PCDHA3: variants seen among roughly 807,000 people sequenced by gnomAD.
PCDHA3 encodes protocadherin alpha 3.
A neutral mutation model predicts 62.2 loss-of-function variants in PCDHA3; 41 were observed. That is an observed-to-expected ratio of 0.66 (90% CI 0.51 to 0.86). The LOEUF (loss-of-function observed/expected upper bound fraction) is 0.86. PCDHA3 is among the 40% of genes least tolerant of loss of function. The pLI, the probability that PCDHA3 is intolerant of heterozygous loss-of-function variation, is 0.00. For missense variants in PCDHA3, 1,304 were observed against 1,241.2 expected, an observed-to-expected ratio of 1.05 and a Z score of -0.76; for synonymous variants, 640 against 555.4, an observed-to-expected ratio of 1.15 and a Z score of -2.14.
At chr5:140,816,107 T>C (rs1429188070) in intron 1 of PCDHA3, 1 of 152,208 alleles carries the variant, frequency 6.6e-6, no homozygotes, top group Non-Finnish European at 1.5e-5. Flanking sequence ...TTTTCTCTTA[T>C]GGCTTCTTCT....
At chr5:140,850,698 GGC>G in intron 1 of PCDHA3, 1 of 1,598,220 alleles carries the variant, frequency 6.3e-7, no homozygotes, top group Non-Finnish European at 8.6e-7. Context: ...GTGCGCGCCT[GGC>G]AAGCCGACGC....
chr5:140,877,674 G>T (rs2057278019), intron 1 of PCDHA3: 2 of 1,613,630 alleles, frequency 1.2e-6, no homozygotes, highest in East Asian at 4.5e-5. Flanking sequence ...GGTGCGCGCC[G>T]GGCAAGCCCA....
intron 1 of PCDHA3, chr5:140,834,264 C>T (rs1772874708): frequency 9.9e-7 from 1 of 1,010,524 alleles, no homozygotes; most frequent in Non-Finnish European, 1.5e-6. Context: ...GCTCCACTCT[C>T]TTTCACTCTT....
chr5:140,985,946 A>G (rs1265124776), intron 3 of PCDHA3, among the ~76,000 whole-genome samples: 1 of 151,962 alleles, frequency 6.6e-6, no homozygotes, highest in Non-Finnish European at 1.5e-5. Flanking sequence ...TCACTGTGTT[A>G]GCCAGGATGG....
intron 1 of PCDHA3, chr5:140,824,637 T>TTC (rs1768307351): frequency 1.4e-5 from 2 of 145,312 alleles, no homozygotes; most frequent in Non-Finnish European, 2.9e-5. Context: ...TTTTTTATTT[T>TTC]CTGTAGAGAT....
chr5:140,830,228 C>T (rs1346700283), intron 1 of PCDHA3: 15 of 1,613,800 alleles, frequency 9.3e-6, no homozygotes, highest in Non-Finnish European at 1.3e-5. Flanking sequence ...CCTGCTGGTC[C>T]TCACGCTACT....
chr5:140,876,031 G>T (rs1554168208), intron 1 of PCDHA3: 1 of 1,613,702 alleles, frequency 6.2e-7, no homozygotes. Flanking sequence ...AACAAAAAAA[G>T]ATAAAAGTAT....
At chr5:140,877,010 A>T (rs1177640704) in intron 1 of PCDHA3, 2 of 1,612,296 alleles carry the variant, frequency 1.2e-6, no homozygotes, top group African/African-American at 2.7e-5. Context: ...GTGCACGCGG[A>T]GAGCGGCAAG....
At position 140,823,245 on chromosome 5, in the gene PCDHA3, C is replaced by T. The variant is rs2150123911; in HGVS notation, c.2394+19654C>T. 8 of 1,613,492 alleles carry T rather than the reference C, an allele frequency of 5.0e-6. No individual in the cohort carries two copies. The Admixed American group carries it at 8.3e-5, about 17-fold the overall frequency. On this transcript the variant is annotated intron_variant, in intron 1 of 3. Transcript: ENST00000522353. Reference sequence around the variant, plus strand: ...ACGCGCAGGAGAACGCCCTGGTGTCCTACTCGCTGGTGGAGCGGCGGGTGG... The same window carrying T: ...ACGCGCAGGAGAACGCCCTGGTGTCTTACTCGCTGGTGGAGCGGCGGGTGG...
rs781944777 is a variant in PCDHA3, at chr5:140,978,930, T to A, written c.2395-19T>A. ...TTGTCTTGTCATTTTAACAGAAAAC[T>A]CTCTTTGTGATTTTGCAGCCACGAC... On this transcript the variant is annotated intron_variant, in intron 1 of 3. Transcript: ENST00000522353. The A allele has an allele frequency of 1.2e-6, 2 of 1,614,088 alleles. No homozygotes were observed. The highest frequency in any genetic ancestry group is 8.5e-7 in the Non-Finnish European group (1 of 1,180,010).
At chr5:140,960,715 CTTATTTTAGTCCA>C (rs60915889) in intron 1 of PCDHA3, among the ~76,000 whole-genome samples, 85,456 of 151,802 alleles carry the variant, frequency 0.56, 24,653 homozygotes, top group African/African-American at 0.69. Flanking sequence ...AAATACTCAT[CTTATTTTAGTCCA>C]TGATTTTAGT....
intron 3 of PCDHA3, among the ~76,000 whole-genome samples, chr5:140,991,067 A>C (rs2097429962): frequency 6.6e-6 from 1 of 152,184 alleles, no homozygotes; most frequent in Admixed American, 6.5e-5. Flanking sequence ...TATTATTCCC[A>C]TGTTTCAGAT....
At chr5:140,809,861 AT>A (rs1764556615) in intron 1 of PCDHA3, 1 of 287,800 alleles carries the variant, frequency 3.5e-6, no homozygotes, top group South Asian at 6.6e-5. Context: ...TTTAGAAAAC[AT>A]TTTACTATTA....
intron 1 of PCDHA3, among the ~76,000 whole-genome samples, chr5:140,964,979 G>A (rs1325298604): frequency 1.3e-5 from 2 of 152,204 alleles, no homozygotes; most frequent in African/African-American, 4.8e-5. Flanking sequence ...GGATGTGCTA[G>A]TTCAGGCCTT....
intron 1 of PCDHA3, chr5:140,870,983 C>A: frequency 6.2e-7 from 1 of 1,613,520 alleles, no homozygotes; most frequent in South Asian, 1.1e-5. Context: ...GGGCTGTACA[C>A]GGGCGAGATA....
intron 2 of PCDHA3, among the ~76,000 whole-genome samples, chr5:140,980,982 C>G (rs1208541065): frequency 6.6e-6 from 1 of 151,990 alleles, no homozygotes; most frequent in East Asian, 1.9e-4. Flanking sequence ...ACTGAGCCCA[C>G]ACAATTTGCT....
chr5:140,823,958 A>T, intron 1 of PCDHA3: 1 of 1,614,016 alleles, frequency 6.2e-7, no homozygotes, highest in Non-Finnish European at 8.5e-7. Context: ...CAGCCCACCG[A>T]GGCCGTGTGC....
chr5:140,888,239 C>G (rs1361679058), intron 1 of PCDHA3, among the ~76,000 whole-genome samples: 3 of 151,992 alleles, frequency 2.0e-5, no homozygotes, highest in Non-Finnish European at 4.4e-5. Flanking sequence ...TGTGCGTGTT[C>G]CTTTAAAGCA....
intron 1 of PCDHA3, among the ~76,000 whole-genome samples, chr5:140,907,623 G>T (rs553186767): frequency 6.6e-6 from 1 of 152,352 alleles, no homozygotes; most frequent in East Asian, 1.9e-4. Context: ...AGGGCTCAGT[G>T]TTGGTCTCTG....
Sources: allele counts gnomAD v4.1 joint callset (sites outside exome capture counted in the v4.1 genomes callset), GRCh38; gene constraint gnomAD v4.1.1; transcripts MANE v1.5; gene names NCBI Gene and HGNC (gene_info 2026-07-23, HGNC 2026-07-21).